The following ZNF736 variants were observed in gnomAD, a reference collection of about 807,000 sequenced individuals.
ZNF736 encodes KRAB-containing zinc-finger repressor protein.
A neutral mutation model predicts 11.7 loss-of-function variants in ZNF736; 6 were observed. That is an observed-to-expected ratio of 0.51 (90% CI 0.28 to 1.01). The LOEUF is 1.01. Among genes scored for constraint, ZNF736 ranks in the 50% least tolerant of loss-of-function variants. The pLI is 0.09. For missense variants in ZNF736, 444 were observed against 496.0 expected (o/e 0.90, Z 1.00); for synonymous variants, 139 against 164.7 (o/e 0.84, Z 1.19).
intron 1 of ZNF736, among the ~76,000 whole-genome samples, chr7:64,321,264 C>G (rs537244710): frequency 6.6e-6 from 1 of 152,328 alleles, no homozygotes; most frequent in African/African-American, 2.4e-5. Flanking sequence ...AACACCTCTA[C>G]AAAGTCTCTA....
intron 3 of ZNF736, among the ~76,000 whole-genome samples, chr7:64,346,630 G>A (rs534697252): frequency 1.8e-4 from 28 of 152,000 alleles, no homozygotes; most frequent in African/African-American, 4.3e-4. Flanking sequence ...TCTTGTCTGC[G>A]ACTTTTAAAA....
rs575366504 is a variant in ZNF736, at chr7:64,349,501, A to T, written c.*354A>T. 1 of 174,080 alleles carries T rather than the reference A, an allele frequency of 5.7e-6. No homozygotes were observed. Among genetic ancestry groups the T allele is most frequent in the South Asian group, 1.7e-4 (1 of 5,966 alleles). 10.8% of individuals were successfully genotyped at this position (174,080 alleles called of 1,614,324 possible). On this transcript the variant is annotated 3_prime_UTR_variant, in exon 4 of 4. Transcript: ENST00000423484. Reference sequence around the variant, plus strand: ...TGTCTTGATTAAAGCATACCATTAGATCTTGATTCTTTTTTCAGCTTGCCA... The same window carrying T: ...TGTCTTGATTAAAGCATACCATTAGTTCTTGATTCTTTTTTCAGCTTGCCA...
At chr7:64,319,489 CTTTTTTTT>C (rs1220637935) in intron 1 of ZNF736, among the ~76,000 whole-genome samples, 1 of 55,728 alleles carries the variant, frequency 1.8e-5, no homozygotes, top group Non-Finnish European at 3.3e-5. Flanking sequence ...CATTTCTTCC[CTTTTTTTT>C]TTTTTTTTTT....
At chr7:64,339,490 C>T (rs954461143) in intron 3 of ZNF736, among the ~76,000 whole-genome samples, 2 of 151,608 alleles carry the variant, frequency 1.3e-5, no homozygotes, top group African/African-American at 4.8e-5. Context: ...TAATTTTATT[C>T]TTTTACTTGT....
intron 1 of ZNF736, among the ~76,000 whole-genome samples, chr7:64,326,453 A>T (rs1411875171): frequency 2.0e-5 from 3 of 152,194 alleles, no homozygotes; most frequent in Non-Finnish European, 1.5e-5. Context: ...ACACCATGGG[A>T]CCCTGAATCC....
intron 3 of ZNF736, among the ~76,000 whole-genome samples, chr7:64,341,249 C>T (rs1789333547): frequency 6.6e-6 from 1 of 151,528 alleles, no homozygotes; most frequent in Admixed American, 6.6e-5. Flanking sequence ...TCAGATAATG[C>T]AAAGATCTTC....
At chr7:64,315,213 A>G (rs991582210) in intron 1 of ZNF736, among the ~76,000 whole-genome samples, 1 of 152,192 alleles carries the variant, frequency 6.6e-6, no homozygotes, top group Non-Finnish European at 1.5e-5. Flanking sequence ...GAGCCAATTA[A>G]TCCTCTTATA....
chr7:64,344,922 T>C (rs1157553651), intron 3 of ZNF736, among the ~76,000 whole-genome samples: 1 of 151,724 alleles, frequency 6.6e-6, no homozygotes, highest in African/African-American at 2.4e-5. Context: ...TTTTCTTCTT[T>C]TTAAAGATTG....
chr7:64,339,019 T>A (rs1022697626), intron 3 of ZNF736, among the ~76,000 whole-genome samples: 6 of 152,152 alleles, frequency 3.9e-5, no homozygotes, highest in African/African-American at 1.4e-4. Flanking sequence ...TTAGCAGTCC[T>A]AACAGGTATA....
Position 64,354,903 on chromosome 7 carries a change from C to T in ZNF736, c.*5756C>T, listed in dbSNP as rs766409674. The T allele has an allele frequency of 2.0e-5, 3 of 152,216 alleles. No homozygotes were observed. Among genetic ancestry groups the T allele is most frequent in the Admixed American group, 6.5e-5 (1 of 15,290 alleles). The allele number at this position is 152,216 out of a possible 1,614,324, so 9.4% of individuals were successfully genotyped here. ...AGTCATGAGGTCTTTTTGGCATATACATGAAGTAAACAAAGACAATACTAG... is the reference window on the plus strand; with the variant it reads ...AGTCATGAGGTCTTTTTGGCATATATATGAAGTAAACAAAGACAATACTAG... On this transcript the variant is annotated 3_prime_UTR_variant, in exon 4 of 4. Coordinates refer to ENST00000423484, the MANE Select transcript of ZNF736 (RefSeq NM_001170905.3).
chr7:64,333,740 A>T (rs1272991171), intron 1 of ZNF736, among the ~76,000 whole-genome samples: 2 of 152,200 alleles, frequency 1.3e-5, no homozygotes, highest in Non-Finnish European at 2.9e-5. Context: ...TATAGATTCG[A>T]TGCTATTCCC....
intron 1 of ZNF736, among the ~76,000 whole-genome samples, chr7:64,319,488 C>CT (rs1408764142): frequency 0.11 from 8,445 of 75,178 alleles, 2,254 homozygotes; most frequent in Non-Finnish European, 0.15. Flanking sequence ...ACATTTCTTC[C>CT]CTTTTTTTTT....
intron 1 of ZNF736, among the ~76,000 whole-genome samples, chr7:64,331,722 A>G (rs1789170020): frequency 6.6e-6 from 1 of 152,178 alleles, no homozygotes; most frequent in African/African-American, 2.4e-5. Context: ...TTTCAGATAC[A>G]TTCACGAGAG....
In ZNF736 at chr7:64,349,113, G is replaced by T. The variant is rs1789453207; in HGVS notation, c.1250G>T (p.Arg417Ile). 2 of 1,571,734 alleles carry T rather than the reference G, an allele frequency of 1.3e-6. No homozygotes were observed. The highest frequency in any genetic ancestry group is 2.3e-5 in the East Asian group (1 of 42,650). Residue 417 changes from arginine (R) to isoleucine (I), a missense_variant, in exon 4 of 4, where the codon AGA (arginine) becomes ATA (isoleucine). By Grantham distance (97) the Arg-to-Ile change is moderately conservative. Transcript: ENST00000423484. ...SWFSHLIRHK[R>I]IHTREKLHKC ...TTCTCACACCTCATCAGACATAAGAGAATTCATACTAGAGAGAAGCTCCAC... is the reference window on the plus strand; with the variant it reads ...TTCTCACACCTCATCAGACATAAGATAATTCATACTAGAGAGAAGCTCCAC...
At chr7:64,335,983 T>C (rs995118613) in intron 1 of ZNF736, among the ~76,000 whole-genome samples, 2 of 152,218 alleles carry the variant, frequency 1.3e-5, no homozygotes, top group East Asian at 3.8e-4. Context: ...ATTATGTAAA[T>C]GTAGCATTAA....
At chr7:64,341,608 A>G (rs1789339343) in intron 3 of ZNF736, among the ~76,000 whole-genome samples, 1 of 152,184 alleles carries the variant, frequency 6.6e-6, no homozygotes, top group South Asian at 2.1e-4. Context: ...TCTAGCAGAT[A>G]CAAACTGTAA....
intron 1 of ZNF736, among the ~76,000 whole-genome samples, chr7:64,327,945 C>A (rs1340176381): frequency 6.6e-6 from 1 of 152,052 alleles, no homozygotes; most frequent in African/African-American, 2.4e-5. Flanking sequence ...ACTATAACTG[C>A]CTCAAAAGTA....
rs1016664627 is a variant in ZNF736 at position 64,353,533 on chromosome 7, G to A, written c.*4386G>A. Reference sequence around the variant, plus strand: ...ATATAATTTAACTCTTACATTTGATGCTGTGTCTTCATTTCTAGAATTTAT... The same window carrying A: ...ATATAATTTAACTCTTACATTTGATACTGTGTCTTCATTTCTAGAATTTAT... On this transcript the variant is annotated 3_prime_UTR_variant, in exon 4 of 4. Coordinates refer to ENST00000423484, the MANE Select transcript of ZNF736 (RefSeq NM_001170905.3). The A allele has an allele frequency of 2.0e-4, 30 of 152,298 alleles. 1 individual carries two copies. The highest frequency in any genetic ancestry group is 3.4e-3 in the Middle Eastern group (1 of 294). 9.4% of individuals were successfully genotyped at this position (152,298 alleles called of 1,614,324 possible).
rs1234036381 is a variant in ZNF736 at position 64,337,173 on chromosome 7, A to T, written c.226+191A>T. Reference sequence around the variant, plus strand: ...TTCTTGTGAATTTTCCAAGCACTGTACTTCCCCTTCAGTAATGTGTGTGTG... The same window carrying T: ...TTCTTGTGAATTTTCCAAGCACTGTTCTTCCCCTTCAGTAATGTGTGTGTG... On this transcript the variant is annotated intron_variant, in intron 3 of 3. Coordinates refer to ENST00000423484, the MANE Select transcript of ZNF736 (RefSeq NM_001170905.3). The T allele has an allele frequency of 6.6e-6, 4 of 607,540 alleles. No individual in the cohort carries two copies. In the East Asian group the frequency reaches 1.1e-4, roughly 17 times the overall value. The allele number at this position is 607,540 out of a possible 1,614,324, so 37.6% of individuals were successfully genotyped here.
Sources: gnomAD v4.1 joint callset for allele counts (sites outside exome capture counted in the v4.1 genomes callset) on GRCh38, gnomAD v4.1.1 for gene constraint, MANE v1.5 for transcripts, NCBI Gene and HGNC (gene_info 2026-07-23, HGNC 2026-07-21) for gene names.